Variants in KRT71 observed in about 807,000 individuals in gnomAD.
The protein encoded by KRT71 is keratin 71, also known as keratin, type II cytoskeletal 71.
In KRT71, 42 loss-of-function variants were observed where a neutral mutation model predicts 46.2. That is an observed-to-expected ratio of 0.91 (90% CI 0.71 to 1.18). KRT71 has a LOEUF of 1.18. KRT71 is among the 50% of genes most tolerant of loss of function. The pLI is 0.00. For synonymous variants in KRT71, 292 were observed against 277.8 expected, an observed-to-expected ratio of 1.05 and a Z score of -0.51; for missense variants, 708 against 677.9, an observed-to-expected ratio of 1.04 and a Z score of -0.49.
At chr12:52,549,190 T>C in intron 3 of KRT71, 103 bp downstream of exon 3, 1 of 877,918 alleles carries the variant, frequency 1.1e-6, no homozygotes, top group Admixed American at 1.7e-5. Context: ...TTGCTCTTCC[T>C]GAATCAGTTC....
chr12:52,550,109 C>T lies in KRT71; in HGVS notation c.576G>A (p.Leu192=). ...EGYISNLRKQ[L]ETLSGDRVRL... is the part of the protein sequence containing the mutation. ...TCACCCTGTCCCCAGACAGCGTCTCCAGCTGCTTCCGCAGGTTGCTGATGT... is the reference window on the plus strand; with the variant it reads ...TCACCCTGTCCCCAGACAGCGTCTCTAGCTGCTTCCGCAGGTTGCTGATGT... The change falls in exon 2 of 9, where the codon CTG becomes CTA. Residue 192 remains leucine, a synonymous_variant. Coordinates refer to ENST00000267119, the MANE Select transcript of KRT71 (RefSeq NM_033448.3). 6.2e-7 allele frequency: 1 copy of T among 1,614,170 alleles called. No homozygotes were observed. The highest frequency in any genetic ancestry group is 8.5e-7 in the Non-Finnish European group (1 of 1,180,036).
At chr12:52,545,626 GGA>G in intron 7 of KRT71, 27 bp from the exon 8 acceptor site, 2 of 427,078 alleles carry the variant, frequency 4.7e-6, no homozygotes, top group Non-Finnish European at 7.7e-6. Context: ...TAAAATAAGA[GGA>G]GAAGAGAAGT....
chr12:52,546,346 T>C lies in KRT71; in HGVS notation c.1265A>G (p.Lys422Arg). Residue 422 changes from lysine (K) to arginine (R), a missense_variant, in exon 7 of 9, where the codon AAG becomes AGG. Transcript: ENST00000267119. ...LREYQELMSL[K>R]LALDMEIATY... ...GGCGATCTCCATGTCCAGGGCCAGC[T>C]TCAGGCTCATGAGCTCCTGGTACTC... 1.2e-6 allele frequency: 2 copies of C among 1,614,198 alleles called. No homozygotes were observed. The highest frequency in any genetic ancestry group is 1.7e-6 in the Non-Finnish European group (2 of 1,180,026).
chr12:52,550,297 T>C lies in KRT71; in HGVS notation c.442-54A>G, dbSNP rs115209730. 8.9e-4 allele frequency: 1,428 copies of C among 1,597,994 alleles called. 6 individuals carry two copies. In the African/African-American group the frequency reaches 0.016, roughly 18 times the overall value. ...ACCCTTGCAGTAATAGTCACACGTG[T>C]CTCTCACAGGGCATTGTGTAAAGCT... is the stretch of plus-strand genomic sequence containing the variant. On this transcript the variant is annotated intron_variant, in intron 1 of 8. Transcript: ENST00000267119.
At chr12:52,551,423 T>C (rs1320016707) in intron 1 of KRT71, among the ~76,000 whole-genome samples, 2 of 152,138 alleles carry the variant, frequency 1.3e-5, no homozygotes, top group Non-Finnish European at 2.9e-5. Flanking sequence ...ATCAGTCCAC[T>C]CCCATCACCC....
At chr12:52,546,254 G>C in intron 7 of KRT71, 32 bp downstream of exon 7, 1 of 1,611,720 alleles carries the variant, frequency 6.2e-7, no homozygotes, top group Non-Finnish European at 8.5e-7. Context: ...CCAAACCCCT[G>C]GGGCCCTCCT....
Position 52,549,299 on chromosome 12 carries a change from G to A in KRT71, c.711C>T (p.Leu237=). The change falls in exon 3 of 9, where the codon CTC becomes CTT. Residue 237 remains leucine, a synonymous_variant. Transcript: ENST00000267119. ...RTAAENEFVL[L]KKDVDAAYAN... is the part of the protein sequence containing the mutation. The stretch of plus-strand genomic sequence containing the variant: ...GGGCCTGCCTTCCCCTCACCTTCTT[G>A]AGCAGCACAAACTCGTTCTCTGCTG... 6.2e-7 allele frequency: 1 copy of A among 1,613,450 alleles called. No individual in the cohort carries two copies.
Position 52,550,068 on chromosome 12 carries a change from A to G in KRT71, c.617T>C (p.Leu206Pro). ...SGDRVRLDSE[L>P]RNVRDVVEDY... ...CTCCACTACGTCCCGCACATTCCTC[A>G]GCTCCGAGTCCAGCCTCACCCTGTC... The change falls in exon 2 of 9, where the codon CTG (leucine) becomes CCG (proline). Residue 206 changes from leucine (L) to proline (P), a missense_variant. Leu to Pro is a moderately conservative substitution (Grantham distance 98, BLOSUM62 -3). Transcript: ENST00000267119. The G allele has an allele frequency of 6.2e-7, 1 of 1,614,048 alleles. No individual in the cohort carries two copies. The highest frequency in any genetic ancestry group is 1.3e-5 in the African/African-American group (1 of 75,000).
At position 52,544,398 on chromosome 12, in the gene KRT71, T is replaced by C. The variant is rs1284374255; in HGVS notation, c.*134A>G. ...GAAGACACAGGCTGGGAGAAGTGGG[T>C]GGCCAAGGCCAGTGCCAGGTGTATG... is the stretch of plus-strand genomic sequence containing the variant. On this transcript the variant is annotated 3_prime_UTR_variant, in exon 9 of 9. Transcript: ENST00000267119. 4.8e-6 allele frequency: 4 copies of C among 826,234 alleles called. No homozygotes were observed. Among genetic ancestry groups the C allele is most frequent in the Admixed American group, 3.8e-5 (2 of 52,184 alleles). 51.2% of individuals were successfully genotyped at this position (826,234 alleles called of 1,614,324 possible).
At position 52,546,374 on chromosome 12, in the gene KRT71, G is replaced by A. The variant is rs759630150; in HGVS notation, c.1237C>T (p.Arg413Cys). 86 of 1,614,036 alleles carry A rather than the reference G, an allele frequency of 5.3e-5. No homozygotes were observed. Among genetic ancestry groups the A allele is most frequent in the Non-Finnish European group, 7.0e-5 (83 of 1,180,040 alleles). The change falls in exon 7 of 9, where the codon CGC (arginine) becomes TGC (cysteine). Residue 413 changes from arginine (R) to cysteine (C), a missense_variant. Arg to Cys is a radical substitution (Grantham distance 180). Transcript: ENST00000267119. ...QAKEELARML[R>C]EYQELMSLKL... ...AGGCTCATGAGCTCCTGGTACTCGC[G>A]CAGCATCCGCGCCAGCTCCTCCTTG...
intron 6 of KRT71, 68 bp from the exon 7 acceptor site, chr12:52,546,574 C>T: frequency 1.3e-6 from 2 of 1,509,666 alleles, no homozygotes; most frequent in South Asian, 2.5e-5. Context: ...TCCAATCCCT[C>T]TGGGTCCTTA....
Position 52,549,272 on chromosome 12 carries a change from C to T in KRT71, c.717+21G>A. 2.5e-6 allele frequency: 4 copies of T among 1,608,052 alleles called. No individual in the cohort carries two copies. In the African/African-American group the frequency reaches 4.0e-5, roughly 16 times the overall value. ...AGGTCCCAGGCCAGCCCCCGGGACT[C>T]AGGGCCTGCCTTCCCCTCACCTTCT... is the stretch of plus-strand genomic sequence containing the variant. On this transcript the variant is annotated intron_variant, in intron 3 of 8. Transcript: ENST00000267119.
chr12:52,546,994 C>T (rs540617453), intron 6 of KRT71, among the ~76,000 whole-genome samples: 10 of 152,336 alleles, frequency 6.6e-5, no homozygotes, highest in African/African-American at 2.2e-4. Context: ...CAATACTGTA[C>T]ATACCATTGA....
rs116084065 is a variant in KRT71 at position 52,547,739 on chromosome 12, C to T, written c.1104+118G>A. ...CCAGGTGTTTGAGGCAGCGACCTCACTGGCCTTCTCTCTTCTCCCAGGCAG... is the reference window on the plus strand; with the variant it reads ...CCAGGTGTTTGAGGCAGCGACCTCATTGGCCTTCTCTCTTCTCCCAGGCAG... On this transcript the variant is annotated intron_variant, in intron 6 of 8. Transcript: ENST00000267119. 941 of 1,300,938 alleles carry T rather than the reference C, an allele frequency of 7.2e-4. 5 individuals are homozygous for T. The African/African-American group carries it at 0.013, about 18-fold the overall frequency. The allele number at this position is 1,300,938 out of a possible 1,614,324, so 80.6% of individuals were successfully genotyped here.
intron 2 of KRT71, 44 bp from the exon 3 acceptor site, chr12:52,549,397 GCCCT>G: frequency 6.5e-7 from 1 of 1,539,262 alleles, no homozygotes; most frequent in Non-Finnish European, 9.0e-7. Context: ...CTCACTGAAA[GCCCT>G]TGCTTTCACA....
rs145195552 is a variant in KRT71 at position 52,546,279 on chromosome 12, C to G, written c.1325+7G>C. The G allele has an allele frequency of 1.2e-5, 20 of 1,613,774 alleles. No homozygotes were observed. The highest frequency in any genetic ancestry group is 1.7e-5 in the Non-Finnish European group (20 of 1,179,856). ...GGGGCCCTCCTGTCTGGGCACGCCC[C>G]GCCCACCTGCACTCCTCGCTCTCCA... On this transcript the variant is annotated splice_region_variant and intron_variant, in intron 7 of 8. Transcript: ENST00000267119.
At position 52,544,652 on chromosome 12, in the gene KRT71, G is replaced by T; in HGVS notation, c.1452C>A (p.Ile484=). The change falls in exon 9 of 9, where the codon ATC becomes ATA. Residue 484 remains isoleucine, a synonymous_variant. Coordinates refer to ENST00000267119, the MANE Select transcript of KRT71 (RefSeq NM_033448.3). ...GGYVANSSNC[I]SGVCSVRGGE... The stretch of plus-strand genomic sequence containing the variant: ...CGCCTCTCACGCTGCACACTCCAGA[G>T]ATGCAGTTGCTGCTGTTGGCCACAT... The T allele has an allele frequency of 1.2e-6, 2 of 1,614,058 alleles. No homozygotes were observed. Among genetic ancestry groups the T allele is most frequent in the Non-Finnish European group, 1.7e-6 (2 of 1,180,018 alleles).
At chr12:52,549,926 G>T in intron 2 of KRT71, 103 bp downstream of exon 2, 1 of 1,318,144 alleles carries the variant, frequency 7.6e-7, no homozygotes, top group Non-Finnish European at 1.1e-6. Context: ...CAAGAACAAT[G>T]CCCTCCACTG....
intron 6 of KRT71, among the ~76,000 whole-genome samples, chr12:52,547,037 C>T (rs986491246): frequency 6.6e-6 from 1 of 152,196 alleles, no homozygotes; most frequent in African/African-American, 2.4e-5. Context: ...TTGCAACACC[C>T]TGTGAAGTGA....
Sources: allele counts gnomAD v4.1 joint callset (sites outside exome capture counted in the v4.1 genomes callset), GRCh38; gene constraint gnomAD v4.1.1; transcripts MANE v1.5; gene names NCBI Gene and HGNC (gene_info 2026-07-23, HGNC 2026-07-21).